Variants in RNGTT observed in about 807,000 individuals in gnomAD.
RNGTT encodes RNA guanylyltransferase and 5'-phosphatase.
Under a neutral mutation model 79.3 loss-of-function variants are expected in RNGTT, and 33 were observed. That is an observed-to-expected ratio of 0.42 (90% CI 0.32 to 0.56). RNGTT has a LOEUF of 0.56. Ranked by LOEUF, RNGTT falls within the 20% of genes least tolerant of loss-of-function variation. RNGTT has a pLI of 0.17. For synonymous variants in RNGTT, 222 were observed against 235.9 expected, an observed-to-expected ratio of 0.94 and a Z score of 0.54; for missense variants, 497 against 739.1, an observed-to-expected ratio of 0.67 and a Z score of 3.80.
At chr6:88,907,189 T>G (rs1783680317) in intron 4 of RNGTT, among the ~76,000 whole-genome samples, 1 of 152,208 alleles carries the variant, frequency 6.6e-6, no homozygotes, top group African/African-American at 2.4e-5. Flanking sequence ...TCATTTTAAC[T>G]ACTGATATGG....
At chr6:88,833,281 G>C (rs996256262) in intron 11 of RNGTT, among the ~76,000 whole-genome samples, 3 of 152,138 alleles carry the variant, frequency 2.0e-5, no homozygotes, top group Non-Finnish European at 4.4e-5. Context: ...TCAGGGACAT[G>C]GATGAAGCTG....
chr6:88,761,016 AATACACACACAC>A (rs1332480443), intron 13 of RNGTT, among the ~76,000 whole-genome samples: 1 of 94,356 alleles, frequency 1.1e-5, no homozygotes, highest in Non-Finnish European at 2.2e-5. Flanking sequence ...AAGCAAAAGA[AATACACACACAC>A]ACACACACAC....
chr6:88,733,370 C>A (rs1347957007), intron 13 of RNGTT, among the ~76,000 whole-genome samples: 1 of 150,040 alleles, frequency 6.7e-6, no homozygotes, highest in Non-Finnish European at 1.5e-5. Context: ...ACCCCCCACC[C>A]CCCCTCCAAA....
intron 11 of RNGTT, among the ~76,000 whole-genome samples, chr6:88,823,955 G>A (rs1042227473): frequency 6.6e-6 from 1 of 152,066 alleles, no homozygotes; most frequent in Non-Finnish European, 1.5e-5. Context: ...AAACACTAGT[G>A]AACAGTAACT....
intron 14 of RNGTT, among the ~76,000 whole-genome samples, chr6:88,628,845 A>G (rs896949531): frequency 6.6e-6 from 1 of 152,230 alleles, no homozygotes; most frequent in Non-Finnish European, 1.5e-5. Flanking sequence ...TTTACTCCAA[A>G]TCAAGAAATG....
At chr6:88,674,871 C>T (rs993599091) in intron 14 of RNGTT, among the ~76,000 whole-genome samples, 7 of 151,902 alleles carry the variant, frequency 4.6e-5, no homozygotes, top group African/African-American at 1.5e-4. Flanking sequence ...CTGAAGTGGG[C>T]GGACTGCCTG....
intron 13 of RNGTT, among the ~76,000 whole-genome samples, chr6:88,685,701 G>A (rs1254106733): frequency 6.6e-6 from 1 of 151,976 alleles, no homozygotes; most frequent in Non-Finnish European, 1.5e-5. Context: ...GGGAAAGACT[G>A]TATTGTTATA....
chr6:88,707,897 T>C (rs1471668637), intron 13 of RNGTT, among the ~76,000 whole-genome samples: 1 of 151,920 alleles, frequency 6.6e-6, no homozygotes, highest in Non-Finnish European at 1.5e-5. Flanking sequence ...ATACTACATT[T>C]TGTGCTGGAA....
chr6:88,798,996 G>A (rs888216277), intron 12 of RNGTT, among the ~76,000 whole-genome samples: 2 of 151,994 alleles, frequency 1.3e-5, no homozygotes, highest in African/African-American at 4.8e-5. Flanking sequence ...GAATTCAACA[G>A]GATTGTTGAA....
chr6:88,914,671 C>A (rs1783940426), intron 4 of RNGTT, among the ~76,000 whole-genome samples: 1 of 151,954 alleles, frequency 6.6e-6, no homozygotes, highest in Non-Finnish European at 1.5e-5. Context: ...TGTAAGACTG[C>A]AAACTATAAA....
At chr6:88,697,928 G>GAAATACATATATATGAT (rs1775744621) in intron 13 of RNGTT, among the ~76,000 whole-genome samples, 1 of 107,282 alleles carries the variant, frequency 9.3e-6, no homozygotes, top group Non-Finnish European at 1.7e-5. Context: ...ACATATATAT[G>GAAATACATATATATGAT]ATATATATAT....
chr6:88,726,858 C>T (rs1776924568), intron 13 of RNGTT, among the ~76,000 whole-genome samples: 1 of 152,058 alleles, frequency 6.6e-6, no homozygotes, highest in South Asian at 2.1e-4. Context: ...AGGTTTTCAA[C>T]AAAAGTAAAG....
intron 14 of RNGTT, among the ~76,000 whole-genome samples, chr6:88,660,427 T>C (rs1415489418): frequency 6.6e-6 from 1 of 151,608 alleles, no homozygotes; most frequent in East Asian, 1.9e-4. Context: ...AACTAACACA[T>C]AAGGACTCAA....
At chr6:88,792,715 T>C (rs1228604888) in intron 12 of RNGTT, among the ~76,000 whole-genome samples, 1 of 151,830 alleles carries the variant, frequency 6.6e-6, no homozygotes, top group Non-Finnish European at 1.5e-5. Flanking sequence ...ATAAGACCAC[T>C]CTGGTGATGG....
intron 1 of RNGTT, among the ~76,000 whole-genome samples, chr6:88,944,273 G>A (rs1784939559): frequency 6.6e-6 from 1 of 152,186 alleles, no homozygotes; most frequent in Non-Finnish European, 1.5e-5. Context: ...AACAAAGCAA[G>A]AGCGATTAAG....
At chr6:88,875,254 T>C (rs776567442) in intron 8 of RNGTT, among the ~76,000 whole-genome samples, 4 of 151,998 alleles carry the variant, frequency 2.6e-5, no homozygotes, top group Non-Finnish European at 4.4e-5. Flanking sequence ...TATCCCATTA[T>C]ATGGAGGATC....
chr6:88,761,016 AATACAC>A (rs58615384), intron 13 of RNGTT, among the ~76,000 whole-genome samples: 18,353 of 94,320 alleles, frequency 0.19, 1,332 homozygotes, highest in Middle Eastern at 0.34. Context: ...AAGCAAAAGA[AATACAC>A]ACACACACAC....
intron 6 of RNGTT, among the ~76,000 whole-genome samples, chr6:88,900,200 C>G (rs1230362086): frequency 6.6e-6 from 1 of 150,400 alleles, no homozygotes; most frequent in East Asian, 1.9e-4. Context: ...AAAAAAAGAT[C>G]CACAGGAGAC....
intron 11 of RNGTT, among the ~76,000 whole-genome samples, chr6:88,809,866 T>G (rs770009014): frequency 6.6e-6 from 1 of 151,984 alleles, no homozygotes; most frequent in African/African-American, 2.4e-5. Context: ...CTGGGCAACA[T>G]AGTGAGACCC....
Sources: gnomAD v4.1 joint callset for allele counts (sites outside exome capture counted in the v4.1 genomes callset) on GRCh38, gnomAD v4.1.1 for gene constraint, MANE v1.5 for transcripts, NCBI Gene and HGNC (gene_info 2026-07-23, HGNC 2026-07-21) for gene names.